Variants in PCDH15 observed in about 807,000 individuals in gnomAD.
PCDH15 encodes protocadherin related 15, also known as protocadherin-15.
In PCDH15, 129 loss-of-function variants were observed where a neutral mutation model predicts 178.5. The observed-to-expected ratio is 0.72, with a 90% CI of 0.63 to 0.84. PCDH15 has a LOEUF of 0.84. Among genes scored for constraint, PCDH15 ranks in the 40% least tolerant of loss-of-function variants. The pLI is 0.00. For missense variants in PCDH15, 2,230 were observed against 2,099.9 expected (o/e 1.06, Z -1.21); for synonymous variants, 800 against 732.0 (o/e 1.09, Z -1.50).
At chr10:54,233,898 T>G (rs138239467) in intron 9 of PCDH15, among the ~76,000 whole-genome samples, 1 of 152,156 alleles carries the variant, frequency 6.6e-6, no homozygotes, top group Non-Finnish European at 1.5e-5. Flanking sequence ...AGTAGAACCA[T>G]TGAAGAGGTT....
chr10:54,079,867 T>C (rs2094408388), intron 16 of PCDH15, among the ~76,000 whole-genome samples: 4 of 152,158 alleles, frequency 2.6e-5, no homozygotes, highest in African/African-American at 9.6e-5. Context: ...CAAAAACCCA[T>C]CTAAATGTTA....
chr10:54,044,901 T>C (rs2093626765), intron 18 of PCDH15, among the ~76,000 whole-genome samples: 3 of 152,144 alleles, frequency 2.0e-5, no homozygotes, highest in Non-Finnish European at 2.9e-5. Flanking sequence ...GGACACTGAC[T>C]ATTCTGACTT....
intron 14 of PCDH15, among the ~76,000 whole-genome samples, chr10:54,149,852 A>G (rs945407620): frequency 6.6e-6 from 1 of 152,266 alleles, no homozygotes; most frequent in Middle Eastern, 3.4e-3. Flanking sequence ...AATGCTAATA[A>G]CCAAAGTGGC....
chr10:54,944,121 G>T (rs1396151458), intron 2 of PCDH15, among the ~76,000 whole-genome samples: 4 of 151,856 alleles, frequency 2.6e-5, no homozygotes, highest in African/African-American at 9.7e-5. Context: ...TAAGCAAAGT[G>T]GGTGGCTGAC....
intron 2 of PCDH15, among the ~76,000 whole-genome samples, chr10:55,035,301 T>A (rs1056201862): frequency 6.6e-6 from 1 of 152,176 alleles, no homozygotes; most frequent in Admixed American, 6.5e-5. Context: ...TGAAGGATAA[T>A]TCATACAACC....
chr10:54,527,778 G>C (rs1354966797), intron 3 of PCDH15, 34 bp downstream of exon 3: 4 of 1,533,844 alleles, frequency 2.6e-6, no homozygotes, highest in Non-Finnish European at 3.6e-6. Context: ...AACCCTCTTA[G>C]ATAAGACATT....
intron 18 of PCDH15, among the ~76,000 whole-genome samples, chr10:54,046,252 C>T (rs950651068): frequency 1.3e-5 from 2 of 152,150 alleles, no homozygotes; most frequent in African/African-American, 4.8e-5. Context: ...CTATGGAAAA[C>T]AATTTCGCAT....
chr10:54,533,152 G>A (rs960044904), intron 2 of PCDH15, among the ~76,000 whole-genome samples: 1 of 152,150 alleles, frequency 6.6e-6, no homozygotes, highest in Admixed American at 6.5e-5. Context: ...ATTTAGAAGT[G>A]TGGTGATGTT....
At chr10:54,786,221 C>T (rs74136289) in intron 1 of PCDH15, among the ~76,000 whole-genome samples, 5,431 of 151,992 alleles carry the variant, frequency 0.036, 345 homozygotes, top group African/African-American at 0.13. Context: ...TATATCAATG[C>T]TAGGATAATA....
rs146459305 is a variant in PCDH15, at chr10:53,877,838, C to T, written c.3502-10981G>A. Among the ~76,000 whole-genome samples, 1,344 of 152,214 alleles carry T rather than the reference C, an allele frequency of 8.8e-3. 18 individuals carry two copies. Among genetic ancestry groups the T allele is most frequent in the African/African-American group, 0.028 (1,169 of 41,524 alleles). On this transcript the variant is annotated intron_variant, in intron 26 of 37. Coordinates refer to ENST00000644397, the MANE Select transcript of PCDH15 (RefSeq NM_001384140.1). Reference sequence around the variant, plus strand: ...TGATTTCTACCTATACAATATTTCTCAGTTCTGTATAATACTTTAGGCCAA... The same window carrying T: ...TGATTTCTACCTATACAATATTTCTTAGTTCTGTATAATACTTTAGGCCAA...
At chr10:54,249,111 G>A (rs537515373) in intron 8 of PCDH15, among the ~76,000 whole-genome samples, 317 of 151,894 alleles carry the variant, frequency 2.1e-3, no homozygotes, top group Non-Finnish European at 3.8e-3. Flanking sequence ...TAATATTTAA[G>A]GTATTTTGTA....
chr10:54,521,853 G>A (rs2082899494), intron 3 of PCDH15, among the ~76,000 whole-genome samples: 1 of 152,008 alleles, frequency 6.6e-6, no homozygotes, highest in East Asian at 1.9e-4. Context: ...ACTTTGGGAG[G>A]CCGAGGCGGG....
chr10:54,527,701 G>A (rs1279959188), intron 3 of PCDH15, 111 bp downstream of exon 3: 1 of 747,940 alleles, frequency 1.3e-6, no homozygotes, highest in South Asian at 2.5e-5. Context: ...ATTATCCATG[G>A]ATTTGGGTTG....
At chr10:53,901,352 C>A (rs2082321665) in intron 26 of PCDH15, among the ~76,000 whole-genome samples, 1 of 152,064 alleles carries the variant, frequency 6.6e-6, no homozygotes, top group South Asian at 2.1e-4. Flanking sequence ...AGGACAAAAA[C>A]CACCAAGTCA....
At chr10:54,839,973 A>G (rs936849036) in intron 3 of PCDH15, among the ~76,000 whole-genome samples, 1 of 152,102 alleles carries the variant, frequency 6.6e-6, no homozygotes. Context: ...CACACTATCA[A>G]ACAAACAAAA....
At chr10:53,863,687 G>A (rs1278708561) in intron 27 of PCDH15, among the ~76,000 whole-genome samples, 1 of 152,126 alleles carries the variant, frequency 6.6e-6, no homozygotes, top group South Asian at 2.1e-4. Flanking sequence ...TAGAAAAAAA[G>A]CATTGTTGTG....
At chr10:54,628,491 T>C (rs1254612082) in intron 2 of PCDH15, among the ~76,000 whole-genome samples, 1 of 152,190 alleles carries the variant, frequency 6.6e-6, no homozygotes, top group African/African-American at 2.4e-5. Flanking sequence ...AGTTAAAAGG[T>C]ACAGGGAAGC....
intron 2 of PCDH15, among the ~76,000 whole-genome samples, chr10:55,370,315 C>A (rs1196145910): frequency 1.3e-5 from 2 of 152,084 alleles, no homozygotes; most frequent in Non-Finnish European, 2.9e-5. Context: ...TTAAATGACT[C>A]ATACTTGTGT....
intron 2 of PCDH15, among the ~76,000 whole-genome samples, chr10:55,604,012 G>A (rs1328055382): frequency 8.9e-6 from 1 of 112,002 alleles, no homozygotes; most frequent in African/African-American, 3.9e-5. Context: ...CTCACGTGCA[G>A]AGACACACAT....
Sources: gnomAD v4.1 joint callset for allele counts (sites outside exome capture counted in the v4.1 genomes callset) on GRCh38, gnomAD v4.1.1 for gene constraint, MANE v1.5 for transcripts, NCBI Gene and HGNC (gene_info 2026-07-23, HGNC 2026-07-21) for gene names.